HHLA2: variants seen among roughly 807,000 people sequenced by gnomAD.
The protein encoded by HHLA2 is HERV-H LTR-associating protein 2.
A neutral mutation model predicts 45.9 loss-of-function variants in HHLA2; 48 were observed. That is an observed-to-expected ratio of 1.05 (90% confidence interval 0.83 to 1.33). The LOEUF (loss-of-function observed/expected upper bound fraction) is 1.33, where lower values mean the gene tolerates loss of function less well. Ranked by LOEUF, HHLA2 falls within the 40% of genes most tolerant of loss-of-function variation. The pLI, the probability that HHLA2 is intolerant of heterozygous loss-of-function variation, is 0.00. For synonymous variants in HHLA2, 161 were observed against 173.9 expected (o/e 0.93, Z 0.59); for missense variants, 462 against 494.3 (o/e 0.93, Z 0.62).
At chr3:108,376,196 C>T (rs2082272177) in intron 9 of HHLA2, among the ~76,000 whole-genome samples, 2 of 152,136 alleles carry the variant, frequency 1.3e-5, no homozygotes, top group Admixed American at 1.3e-4. Flanking sequence ...TATGACATTT[C>T]CATTGTTAGC....
exon 6 of HHLA2, chr3:108,355,175 G>A: frequency 6.2e-7 from 1 of 1,613,644 alleles, no homozygotes; most frequent in African/African-American, 1.3e-5. Flanking sequence ...TTAATATGCA[G>A]CGTGTTAAGT....
chr3:108,311,249 T>C (rs1161589364), intron 2 of HHLA2, among the ~76,000 whole-genome samples: 1 of 152,164 alleles, frequency 6.6e-6, no homozygotes, highest in Non-Finnish European at 1.5e-5. Flanking sequence ...GCCTCTTGAG[T>C]AATCCCAAGT....
intron 9 of HHLA2, among the ~76,000 whole-genome samples, 165 bp from the exon 9 acceptor site, chr3:108,376,328 T>C (rs1449109451): frequency 1.3e-5 from 2 of 152,214 alleles, no homozygotes; most frequent in African/African-American, 4.8e-5. Context: ...CTGCTTCTGA[T>C]GATGTGTTTT....
intron 2 of HHLA2, among the ~76,000 whole-genome samples, chr3:108,322,933 A>T (rs1271982712): frequency 6.6e-6 from 1 of 152,056 alleles, no homozygotes; most frequent in African/African-American, 2.4e-5. Flanking sequence ...TATATGGTAC[A>T]AGTTGGTGGA....
intron 7 of HHLA2, among the ~76,000 whole-genome samples, chr3:108,358,513 GAC>G (rs1491421546): frequency 1.3e-5 from 2 of 152,146 alleles, no homozygotes; most frequent in Non-Finnish European, 2.9e-5. Flanking sequence ...CAAGGCTAGA[GAC>G]ACATTAGGAA....
At chr3:108,371,758 C>T (rs9758814) in intron 8 of HHLA2, among the ~76,000 whole-genome samples, 54,424 of 151,960 alleles carry the variant, frequency 0.36, 10,358 homozygotes, top group African/African-American at 0.47. Context: ...AAGGGATCAA[C>T]TCAACAAGAA....
chr3:108,323,236 A>G (rs1345742910), intron 2 of HHLA2, among the ~76,000 whole-genome samples: 4 of 152,154 alleles, frequency 2.6e-5, no homozygotes, highest in Non-Finnish European at 4.4e-5. Flanking sequence ...TATAGTCAAT[A>G]ACTTAATTGT....
intron 1 of HHLA2, among the ~76,000 whole-genome samples, chr3:108,308,397 T>C (rs915776478): frequency 2.6e-5 from 4 of 152,230 alleles, no homozygotes; most frequent in African/African-American, 9.6e-5. Context: ...CCACATTTTC[T>C]TTTATCCATT....
intron 7 of HHLA2, among the ~76,000 whole-genome samples, chr3:108,360,632 A>C (rs2081970481): frequency 6.6e-6 from 1 of 152,222 alleles, no homozygotes; most frequent in African/African-American, 2.4e-5. Context: ...TACAACGTGG[A>C]TATGCCGGAC....
At chr3:108,329,930 G>A (rs980202355) in intron 3 of HHLA2, among the ~76,000 whole-genome samples, 3 of 152,192 alleles carry the variant, frequency 2.0e-5, no homozygotes, top group Non-Finnish European at 4.4e-5. Flanking sequence ...GCTTAGCTGG[G>A]TCATTCTGAC....
At chr3:108,320,237 G>C (rs1332460446) in intron 2 of HHLA2, among the ~76,000 whole-genome samples, 1 of 152,148 alleles carries the variant, frequency 6.6e-6, no homozygotes, top group Admixed American at 6.5e-5. Context: ...CAGGAAGTTT[G>C]TTCCAATTTA....
At chr3:108,336,802 T>TAAA (rs10696366) in intron 3 of HHLA2, among the ~76,000 whole-genome samples, 3 of 146,622 alleles carry the variant, frequency 2.0e-5, no homozygotes, top group African/African-American at 5.0e-5. Context: ...GTTATTCCAT[T>TAAA]AAAAAAAAAA....
chr3:108,351,599 A>G (rs2081778445), intron 3 of HHLA2, among the ~76,000 whole-genome samples, 189 bp from the exon 3 acceptor site: 1 of 152,246 alleles, frequency 6.6e-6, no homozygotes, highest in Non-Finnish European at 1.5e-5. Flanking sequence ...CATGCTATTT[A>G]GAAATTGTAT....
intron 6 of HHLA2, among the ~76,000 whole-genome samples, chr3:108,355,639 T>A (rs1406189493): frequency 6.6e-6 from 1 of 152,198 alleles, no homozygotes; most frequent in Non-Finnish European, 1.5e-5. Context: ...ATGAGTTGAG[T>A]GAAAACATTC....
chr3:108,371,122 T>A (rs1338127046), intron 8 of HHLA2, among the ~76,000 whole-genome samples: 3 of 152,214 alleles, frequency 2.0e-5, no homozygotes, highest in Non-Finnish European at 2.9e-5. Flanking sequence ...GACTAACAGC[T>A]GATCTCTTGG....
chr3:108,317,173 A>T (rs1023833003), intron 2 of HHLA2, among the ~76,000 whole-genome samples: 1 of 152,258 alleles, frequency 6.6e-6, no homozygotes, highest in Non-Finnish European at 1.5e-5. Context: ...ATAGAAAGAC[A>T]CTGTGGCCAG....
At chr3:108,338,783 T>C (rs190770315) in intron 3 of HHLA2, among the ~76,000 whole-genome samples, 6 of 152,258 alleles carry the variant, frequency 3.9e-5, no homozygotes, top group African/African-American at 9.6e-5. Context: ...GAGCAGACCA[T>C]TGTGATCAAC....
intron 3 of HHLA2, among the ~76,000 whole-genome samples, chr3:108,347,373 C>T (rs1445365028): frequency 6.6e-6 from 1 of 150,692 alleles, no homozygotes; most frequent in African/African-American, 2.5e-5. Flanking sequence ...ATTTTTGGCT[C>T]ATGCTCATGC....
exon 5 of HHLA2, chr3:108,353,735 A>G: frequency 6.2e-7 from 1 of 1,613,314 alleles, no homozygotes; most frequent in Non-Finnish European, 8.5e-7. Flanking sequence ...CTATGTAGGA[A>G]CAGCAATTCA....
Sources: allele counts gnomAD v4.1 joint callset (sites outside exome capture counted in the v4.1 genomes callset), GRCh38; gene constraint gnomAD v4.1.1; transcripts MANE v1.5; gene names NCBI Gene and HGNC (gene_info 2026-07-23, HGNC 2026-07-21).